Variants in C3 observed in about 807,000 individuals in gnomAD.
C3 encodes the protein C3 and PZP-like alpha-2-macroglobulin domain-containing protein 1.
C3 carries 97 observed loss-of-function variants against 207.9 expected under a neutral mutation model. That is an observed-to-expected ratio of 0.47 (90% CI 0.40 to 0.55). The LOEUF is 0.55. C3 is among the 20% of genes least tolerant of loss of function. C3 has a pLI of 0.00. For missense variants in C3, 1,684 were observed against 2,171.7 expected (o/e 0.78, Z 4.46); for synonymous variants, 848 against 857.6 (o/e 0.99, Z 0.20).
Position 6,719,247 on chromosome 19 carries a change from G to A in C3, c.231C>T (p.Thr77=), listed in dbSNP as rs760409761. ...CGTTGCCCATGTGGTTGGTGGCAGGGGTCAGCACAGTCTTCTCACTGGACA... is the reference window on the plus strand; with the variant it reads ...CGTTGCCCATGTGGTTGGTGGCAGGAGTCAGCACAGTCTTCTCACTGGACA... The part of the protein sequence containing the change: ...LVLSSEKTVL[T]PATNHMGNVT... The change falls in exon 2 of 41, where the codon ACC becomes ACT. Residue 77 remains threonine, a synonymous_variant. Coordinates refer to ENST00000245907, the MANE Select transcript of C3 (RefSeq NM_000064.4). This position sits in a 1 kb window ranked among gnomAD's most constrained non-coding sequence, Gnocchi z 5.4. 6.2e-7 allele frequency: 1 copy of A among 1,613,990 alleles called. No homozygotes were observed. Among genetic ancestry groups the A allele is most frequent in the Admixed American group, 1.7e-5 (1 of 60,016 alleles).
chr19:6,681,899 G>T (rs771805341), intron 35 of C3, 42 bp downstream of exon 35: 1 of 1,414,288 alleles, frequency 7.1e-7, no homozygotes, highest in Non-Finnish European at 1.0e-6. Flanking sequence ...AGAGGTCAGG[G>T]TGCCCCTGGA....
intron 23 of C3, among the ~76,000 whole-genome samples, chr19:6,695,579 A>G (rs1967514546): frequency 6.6e-6 from 1 of 152,014 alleles, no homozygotes; most frequent in Non-Finnish European, 1.5e-5. Flanking sequence ...TCCCACGTTC[A>G]ATCGATTATC....
At chr19:6,694,817 ACT>A in intron 23 of C3, among the ~76,000 whole-genome samples, 183 bp from the exon 24 acceptor site, 1 of 152,232 alleles carries the variant, frequency 6.6e-6, no homozygotes, top group South Asian at 2.1e-4. Flanking sequence ...GGGGGTCTGC[ACT>A]GTTAGGAGTG....
intron 17 of C3, among the ~76,000 whole-genome samples, chr19:6,704,062 G>A (rs1967725230): frequency 6.6e-6 from 1 of 152,198 alleles, no homozygotes; most frequent in South Asian, 2.1e-4. Context: ...AGGATGGCTT[G>A]AGCCCAGGAG....
intron 33 of C3, 123 bp from the exon 34 acceptor site, chr19:6,682,352 G>T: frequency 1.3e-6 from 1 of 744,862 alleles, no homozygotes; most frequent in Admixed American, 2.0e-5. Flanking sequence ...AGCACAGAGG[G>T]GCGTTACATT....
intron 27 of C3, 68 bp from the exon 28 acceptor site, chr19:6,686,970 A>C: frequency 6.7e-7 from 1 of 1,492,558 alleles, no homozygotes; most frequent in African/African-American, 1.4e-5. Context: ...GGATCATTCG[A>C]GCAGCACTTC....
At chr19:6,689,988 T>C (rs11569517) in intron 27 of C3, among the ~76,000 whole-genome samples, 16,556 of 151,882 alleles carry the variant, frequency 0.11, 1,062 homozygotes, top group Non-Finnish European at 0.13. Context: ...TCACAAAAAA[T>C]AAACAAACAA....
Position 6,694,589 on chromosome 19 carries a change from C to T in C3, c.2996G>A (p.Arg999Gln). The change falls in exon 24 of 41, where the codon CGG (arginine) becomes CAG (glutamine). Residue 999 changes from arginine to glutamine, a missense_variant. By Grantham distance (43) the Arg-to-Gln change is conservative (BLOSUM62 1). This residue lies in a region of C3 where 1,280 missense variants were observed against 1,739.1 expected (regional missense o/e 0.74). Coordinates refer to ENST00000245907, the MANE Select transcript of C3 (RefSeq NM_000064.4). ...GGGGGTCACAATGAGGTGCTTCAGCCGTTCCGCGTCGACGGCATCCTCTGT... is the reference window on the plus strand; with the variant it reads ...GGGGGTCACAATGAGGTGCTTCAGCTGTTCCGCGTCGACGGCATCCTCTGT... ...QMTEDAVDAE[R>Q]LKHLIVTPSG... 1 of 1,613,808 alleles carries T rather than the reference C, an allele frequency of 6.2e-7. No individual in the cohort carries two copies. The highest frequency in any genetic ancestry group is 8.5e-7 in the Non-Finnish European group (1 of 1,179,952).
chr19:6,712,606 C>T lies in C3; in HGVS notation c.1021G>A (p.Ala341Thr), dbSNP rs1409684160. 1.9e-6 allele frequency: 3 copies of T among 1,613,960 alleles called. No individual in the cohort carries two copies. The African/African-American group carries it at 4.0e-5, about 22-fold the overall frequency. The change falls in exon 10 of 41, where the codon GCA (alanine) becomes ACA (threonine). Residue 341 changes from alanine to threonine, a missense_variant. Physicochemically the swap from Ala to Thr is moderately conservative, Grantham distance 58. Around this residue, in one of 3 missense-constraint regions of C3, gnomAD observed 1,280 missense variants for 1,739.1 expected, o/e 0.74. Coordinates refer to ENST00000245907, the MANE Select transcript of C3 (RefSeq NM_000064.4). ...ACGATGGGGATCCCGCTGCGCTCTG[C>T]CTGCACCATGTCACTGCCTGAGGGG... ...ILHSGSDMVQ[A>T]ERSGIPIVTS...
chr19:6,704,265 C>T (rs1007269906), intron 17 of C3, among the ~76,000 whole-genome samples: 7 of 152,208 alleles, frequency 4.6e-5, no homozygotes, highest in South Asian at 2.1e-4. Context: ...CCAGCCTGGG[C>T]GAAAGAGCAA....
rs1355312166 is a variant in C3, at chr19:6,719,159, G to A, written c.267+52C>T. 2.2e-5 allele frequency: 33 copies of A among 1,468,756 alleles called. No individual in the cohort carries two copies. The highest frequency in any genetic ancestry group is 3.1e-5 in the Non-Finnish European group (32 of 1,048,024). 91.0% of individuals were successfully genotyped at this position (1,468,756 alleles called of 1,614,324 possible). A position where few individuals can be genotyped will look rare whatever the true frequency, so the allele number is the denominator to read the frequency against. Reference sequence around the variant, plus strand: ...GGGGAGGGGCTCAGGAGGAGGGGGGGAGTGGGCGTGGCTGTGGGTGTCAGC... The same window carrying A: ...GGGGAGGGGCTCAGGAGGAGGGGGGAAGTGGGCGTGGCTGTGGGTGTCAGC... On this transcript the variant is annotated intron_variant, in intron 2 of 40. Coordinates refer to ENST00000245907, the MANE Select transcript of C3 (RefSeq NM_000064.4). This position sits in a 1 kb window ranked among gnomAD's most constrained non-coding sequence, Gnocchi z 5.4.
chr19:6,683,490 G>T (rs1211368095), intron 33 of C3: 2 of 96,498 alleles, frequency 2.1e-5, no homozygotes, highest in South Asian at 3.5e-4. Flanking sequence ...TTGCTCTTTC[G>T]CCCAGGCTGG....
Position 6,693,505 on chromosome 19 carries a change from G to A in C3, c.3155-18C>T. On this transcript the variant is annotated intron_variant, in intron 24 of 40. Coordinates refer to ENST00000245907, the MANE Select transcript of C3 (RefSeq NM_000064.4). ...GGTGTACCCTGCAGAGAAGAGAGAG[G>A]AACCCCCAAAAGAGCCGGGGCTGAG... The A allele has an allele frequency of 6.2e-7, 1 of 1,605,704 alleles. No individual in the cohort carries two copies. Among genetic ancestry groups the A allele is most frequent in the Admixed American group, 1.7e-5 (1 of 59,218 alleles).
At position 6,718,271 on chromosome 19, in the gene C3, T is replaced by G; in HGVS notation, c.409A>C (p.Thr137Pro). 6.2e-7 allele frequency: 1 copy of G among 1,613,384 alleles called. No homozygotes were observed. The highest frequency in any genetic ancestry group is 8.5e-7 in the Non-Finnish European group (1 of 1,179,754). The change falls in exon 3 of 41, where the codon ACC (threonine) becomes CCC (proline). Residue 137 changes from threonine to proline, a missense_variant. Coordinates refer to ENST00000245907, the MANE Select transcript of C3 (RefSeq NM_000064.4). The stretch of plus-strand genomic sequence containing the variant: ...CCTGTGGAGCCAGGGGTGTAGATGG[T>G]CTTGTCTGTCTGGATGAAGAGGTAC... Reference protein sequence around the residue: ...SGYLFIQTDKTIYTPGSTVLY... With the variant: ...SGYLFIQTDKPIYTPGSTVLY...
intron 19 of C3, 27 bp from the exon 20 acceptor site, chr19:6,697,821 G>A: frequency 6.2e-7 from 1 of 1,605,492 alleles, no homozygotes; most frequent in East Asian, 2.2e-5. Flanking sequence ...AGAACACGGA[G>A]TGTCAAGGTC....
At chr19:6,702,771 C>A (rs1458679701) in intron 17 of C3, 192 bp from the exon 18 acceptor site, 6 of 536,886 alleles carry the variant, frequency 1.1e-5, no homozygotes, top group Non-Finnish European at 2.1e-5. Context: ...CGGTGGCTCA[C>A]CCCTGTAATC....
rs947598002 is a variant in C3, at chr19:6,713,562, C to G, written c.774-53G>C. 2.9e-6 allele frequency: 4 copies of G among 1,364,108 alleles called. No individual in the cohort carries two copies. In the African/African-American group the frequency reaches 5.7e-5, roughly 20 times the overall value. The allele number at this position is 1,364,108 out of a possible 1,614,324, so 84.5% of individuals were successfully genotyped here. A position where few individuals can be genotyped will look rare whatever the true frequency, so the allele number is the denominator to read the frequency against. On this transcript the variant is annotated intron_variant, in intron 7 of 40. Coordinates refer to ENST00000245907, the MANE Select transcript of C3 (RefSeq NM_000064.4). ...GTCCATCCCTCCTGGAGAATGGGAT[C>G]TCCCCCAGCTTCTCCTGCCTGTGCT...
chr19:6,681,208 C>G (rs899008619), intron 35 of C3, among the ~76,000 whole-genome samples: 2 of 151,210 alleles, frequency 1.3e-5, no homozygotes, highest in African/African-American at 4.9e-5. Flanking sequence ...CTAGGCAGTA[C>G]AGTGGGACCC....
rs969872080 is a variant in C3 at position 6,711,199 on chromosome 19, G to A, written c.1270-3C>T. Reference sequence around the variant, plus strand: ...AGCTCCTGCTTCTTCGTGCGCACCTGGGTGGGGAAAGAGGGATGCCTGCTG... The same window carrying A: ...AGCTCCTGCTTCTTCGTGCGCACCTAGGTGGGGAAAGAGGGATGCCTGCTG... On this transcript the variant is annotated splice_region_variant and splice_polypyrimidine_tract_variant and intron_variant, in intron 11 of 40. Coordinates refer to ENST00000245907, the MANE Select transcript of C3 (RefSeq NM_000064.4). The A allele has an allele frequency of 4.3e-6, 7 of 1,611,386 alleles. No homozygotes were observed. Among genetic ancestry groups the A allele is most frequent in the Non-Finnish European group, 3.4e-6 (4 of 1,179,814 alleles).
Sources: allele counts gnomAD v4.1 joint callset (sites outside exome capture counted in the v4.1 genomes callset), GRCh38; gene constraint gnomAD v4.1.1; regional missense constraint gnomAD v4.1.1; non-coding constraint Gnocchi (gnomAD v3.1); transcripts MANE v1.5; gene names NCBI Gene and HGNC (gene_info 2026-07-23, HGNC 2026-07-21).